The following PPFIA4 variants were observed in gnomAD, a reference collection of about 807,000 sequenced individuals.
PPFIA4 encodes PPFI scaffold protein A4, also known as liprin-alpha-4.
PPFIA4 carries 98 observed loss-of-function variants against 145.7 expected under a neutral mutation model. That is an observed-to-expected ratio of 0.67 (90% CI 0.57 to 0.80). The LOEUF is 0.80. Among genes scored for constraint, PPFIA4 ranks in the 30% least tolerant of loss-of-function variants. PPFIA4 has a pLI of 0.00. For synonymous variants in PPFIA4, 628 were observed against 649.6 expected (o/e 0.97, Z 0.51); for missense variants, 1,457 against 1,632.7 (o/e 0.89, Z 1.85).
chr1:203,057,494 G>A (rs919234160), intron 19 of PPFIA4, among the ~76,000 whole-genome samples: 5 of 152,228 alleles, frequency 3.3e-5, no homozygotes, highest in African/African-American at 1.2e-4. Flanking sequence ...TGCTTGGCAT[G>A]TGGTGAGTAC....
chr1:203,068,393 G>T lies in PPFIA4; in HGVS notation c.3149-60G>T. 6.9e-7 allele frequency: 1 copy of T among 1,453,368 alleles called. No homozygotes were observed. Among genetic ancestry groups the T allele is most frequent in the African/African-American group, 1.5e-5 (1 of 68,638 alleles). 90.0% of individuals were successfully genotyped at this position (1,453,368 alleles called of 1,614,324 possible). A position where few individuals can be genotyped will look rare whatever the true frequency, so the allele number is the denominator to read the frequency against. On this transcript the variant is annotated intron_variant, in intron 26 of 29. Coordinates refer to ENST00000295706, the MANE Select transcript of PPFIA4 (RefSeq NM_001304331.2). The surrounding 1 kb of genome is among the most constrained non-coding windows in gnomAD (Gnocchi z 4.7). ...TTTAGGGAGCTCTGCTTCTGTCCTTGGAGGGCCCTTGATGAAACGTAGTAT... is the reference window on the plus strand; with the variant it reads ...TTTAGGGAGCTCTGCTTCTGTCCTTTGAGGGCCCTTGATGAAACGTAGTAT...
At position 203,043,107 on chromosome 1, in the gene PPFIA4, T is replaced by G. The variant is rs933324963; in HGVS notation, c.235-290T>G. ...TAATCTGGTCATATTGGTGGCTGGATGGGGAAGGGTCTGCAGAGCAGACTC... is the reference window on the plus strand; with the variant it reads ...TAATCTGGTCATATTGGTGGCTGGAGGGGGAAGGGTCTGCAGAGCAGACTC... On this transcript the variant is annotated intron_variant, in intron 2 of 29. Transcript: ENST00000295706. The surrounding 1 kb of genome is among the most constrained non-coding windows in gnomAD (Gnocchi z 4.4). Among the ~76,000 whole-genome samples the G allele has an allele frequency of 4.6e-5, 7 of 152,106 alleles. No homozygotes were observed. Among genetic ancestry groups the G allele is most frequent in the Non-Finnish European group, 7.4e-5 (5 of 68,002 alleles).
At position 203,043,982 on chromosome 1, in the gene PPFIA4, C is replaced by A. The variant is rs763046705; in HGVS notation, c.388C>A (p.Arg130=). 3.1e-6 allele frequency: 5 copies of A among 1,612,016 alleles called. No homozygotes were observed. Among genetic ancestry groups the A allele is most frequent in the Non-Finnish European group, 4.2e-6 (5 of 1,179,514 alleles). ...CLVSRHERSL[R]MTVVKRQAQS... The stretch of plus-strand genomic sequence containing the variant: ...GGTGTCCCGCCATGAACGGTCACTG[C>A]GGATGACTGTGGTGAAGCGCCAGGC... Residue 130 remains arginine (R), a synonymous_variant, in exon 4 of 30, where the codon CGG becomes AGG. Transcript: ENST00000295706. This position sits in a 1 kb window ranked among gnomAD's most constrained non-coding sequence, Gnocchi z 4.4.
intron 23 of PPFIA4, 92 bp downstream of exon 23, chr1:203,061,124 G>A: frequency 8.2e-7 from 1 of 1,216,354 alleles, no homozygotes; most frequent in Non-Finnish European, 1.2e-6. Flanking sequence ...AGTCAGAGTG[G>A]GCTGCCATCG....
Position 203,056,101 on chromosome 1 carries a change from C to G in PPFIA4, c.2071-19C>G. On this transcript the variant is annotated intron_variant, in intron 16 of 29. Coordinates refer to ENST00000295706, the MANE Select transcript of PPFIA4 (RefSeq NM_001304331.2). The stretch of plus-strand genomic sequence containing the variant: ...ACCCAGAGGGTGAGTCTGAGCTTAC[C>G]CATCCCTCTCTCTTGCAGCCCAGTG... 1 of 1,613,888 alleles carries G rather than the reference C, an allele frequency of 6.2e-7. No homozygotes were observed.
chr1:203,051,633 T>G, intron 13 of PPFIA4, 136 bp from the exon 14 acceptor site: 4 of 1,438,802 alleles, frequency 2.8e-6, no homozygotes, highest in Admixed American at 2.4e-5. Context: ...CCTTCAGACA[T>G]TTGTGACAGC....
Position 203,068,409 on chromosome 1 carries a change from A to C in PPFIA4, c.3149-44A>C, listed in dbSNP as rs1267595670. The C allele has an allele frequency of 6.6e-7, 1 of 1,515,198 alleles. No individual in the cohort carries two copies. The highest frequency in any genetic ancestry group is 8.9e-7 in the Non-Finnish European group (1 of 1,117,912). 93.9% of individuals were successfully genotyped at this position (1,515,198 alleles called of 1,614,324 possible). On this transcript the variant is annotated intron_variant, in intron 26 of 29. Coordinates refer to ENST00000295706, the MANE Select transcript of PPFIA4 (RefSeq NM_001304331.2). This position sits in a 1 kb window ranked among gnomAD's most constrained non-coding sequence, Gnocchi z 4.7. ...TCTGTCCTTGGAGGGCCCTTGATGA[A>C]ACGTAGTATCTCCTTCCGTCCCTTT...
chr1:203,053,898 C>T lies in PPFIA4; in HGVS notation c.1766C>T (p.Ser589Leu), dbSNP rs1444828218. ...GATGTTGTCTCCCCCAGCGGCCACT[C>T]AGATGCCCAGACCCTGGCCATGATG... is the stretch of plus-strand genomic sequence containing the variant. The part of the protein sequence containing the change: ...SADVVSPSGH[S>L]DAQTLAMMLQ... The change falls in exon 15 of 30, where the codon TCA becomes TTA. Residue 589 changes from serine to leucine, a missense_variant. Coordinates refer to ENST00000295706, the MANE Select transcript of PPFIA4 (RefSeq NM_001304331.2). The T allele has an allele frequency of 1.9e-6, 3 of 1,565,714 alleles. No homozygotes were observed. The South Asian group carries it at 3.5e-5, about 18-fold the overall frequency.
At position 203,046,474 on chromosome 1, in the gene PPFIA4, A is replaced by G. The variant is rs892026932; in HGVS notation, c.1140+92A>G. ...AGGGAAGGGAGCGCGTGGGAGGCGCACTGGGCCAGGAGCCAGAAAACTGCT... is the reference window on the plus strand; with the variant it reads ...AGGGAAGGGAGCGCGTGGGAGGCGCGCTGGGCCAGGAGCCAGAAAACTGCT... On this transcript the variant is annotated intron_variant, in intron 9 of 29. Coordinates refer to ENST00000295706, the MANE Select transcript of PPFIA4 (RefSeq NM_001304331.2). The G allele has an allele frequency of 7.0e-6, 10 of 1,431,146 alleles. No individual in the cohort carries two copies. In the South Asian group the frequency reaches 7.1e-5, roughly 10 times the overall value. The allele number at this position is 1,431,146 out of a possible 1,614,324, so 88.7% of individuals were successfully genotyped here.
chr1:203,044,168 A>G, intron 4 of PPFIA4, 73 bp downstream of exon 4: 4 of 1,461,774 alleles, frequency 2.7e-6, no homozygotes, highest in South Asian at 1.3e-5. Flanking sequence ...CTTCTCTGAG[A>G]TTTCCACATC....
intron 23 of PPFIA4, 116 bp from the exon 24 acceptor site, chr1:203,061,536 T>G (rs1469730935): frequency 5.6e-6 from 6 of 1,069,338 alleles, no homozygotes; most frequent in Non-Finnish European, 7.9e-6. Flanking sequence ...CTTTCCCCAG[T>G]CACCCAGCCA....
intron 13 of PPFIA4, among the ~76,000 whole-genome samples, chr1:203,050,834 G>C (rs865888955): frequency 1.3e-5 from 2 of 151,474 alleles, no homozygotes; most frequent in Non-Finnish European, 2.9e-5. Context: ...CCCTCAATTA[G>C]TAAAATACGG....
chr1:203,076,224 G>A, intron 29 of PPFIA4, 117 bp from the exon 30 acceptor site: 1 of 1,158,430 alleles, frequency 8.6e-7, no homozygotes, highest in East Asian at 2.3e-5. Flanking sequence ...TCTGGCCTGG[G>A]GCGCTTTGCG....
chr1:203,028,256 G>T (rs368497962), intron 1 of PPFIA4, among the ~76,000 whole-genome samples: 4 of 152,272 alleles, frequency 2.6e-5, no homozygotes, highest in African/African-American at 9.6e-5. Flanking sequence ...GGTGCATGAG[G>T]TCTGGCTGCT....
rs1461827457 is a variant in PPFIA4, at chr1:203,044,693, C to T, written c.577-3C>T. ...TCATTGCCCTGGGGCTTGTGCCCTA[C>T]AGGTGTCTGCCCTGCAGCAGGGGGC... On this transcript the variant is annotated splice_region_variant and splice_polypyrimidine_tract_variant and intron_variant, in intron 5 of 29. Transcript: ENST00000295706. 1.9e-6 allele frequency: 3 copies of T among 1,551,720 alleles called. No individual in the cohort carries two copies. The highest frequency in any genetic ancestry group is 2.0e-5 in the Admixed American group (1 of 50,928).
chr1:203,041,564 C>T (rs1476112094), intron 2 of PPFIA4, among the ~76,000 whole-genome samples: 1 of 152,184 alleles, frequency 6.6e-6, no homozygotes, highest in Non-Finnish European at 1.5e-5. Context: ...TGCACTCCAG[C>T]CTGGGTGACA....
At chr1:203,032,710 G>A (rs1193312502) in intron 1 of PPFIA4, among the ~76,000 whole-genome samples, 1 of 151,080 alleles carries the variant, frequency 6.6e-6, no homozygotes, top group Admixed American at 6.6e-5. Flanking sequence ...TCCTCCCAAA[G>A]TGCTGGGATT....
chr1:203,030,928 TA>T (rs1481039847), intron 1 of PPFIA4, among the ~76,000 whole-genome samples: 1 of 149,988 alleles, frequency 6.7e-6, no homozygotes, highest in African/African-American at 2.5e-5. Flanking sequence ...ATCCCTGATG[TA>T]CTTATGACCA....
chr1:203,057,711 A>G (rs1366848035), intron 19 of PPFIA4, among the ~76,000 whole-genome samples: 2 of 152,244 alleles, frequency 1.3e-5, no homozygotes, highest in Non-Finnish European at 2.9e-5. Context: ...AAGGAAGAAG[A>G]GACAATTCCA....
Sources: allele counts gnomAD v4.1 joint callset (sites outside exome capture counted in the v4.1 genomes callset), GRCh38; gene constraint gnomAD v4.1.1; non-coding constraint Gnocchi (gnomAD v3.1); transcripts MANE v1.5; gene names NCBI Gene and HGNC (gene_info 2026-07-23, HGNC 2026-07-21).